The following PDS5B variants were observed in gnomAD, a reference collection of about 807,000 sequenced individuals.
PDS5B encodes sister chromatid cohesion protein PDS5 homolog B.
A neutral mutation model predicts 184.1 loss-of-function variants in PDS5B; 51 were observed. That is an observed-to-expected ratio of 0.28 (90% CI 0.22 to 0.35). The LOEUF (loss-of-function observed/expected upper bound fraction) is 0.35, where lower values mean the gene tolerates loss of function less well. Among genes scored for constraint, PDS5B ranks in the 10% least tolerant of loss-of-function variants. PDS5B has a pLI of 1.00. For synonymous variants in PDS5B, 566 were observed against 569.2 expected (o/e 0.99, Z 0.08); for missense variants, 1,180 against 1,723.3 (o/e 0.68, Z 5.58).
chr13:32,744,951 A>G (rs1242820227), intron 23 of PDS5B, among the ~76,000 whole-genome samples: 1 of 152,182 alleles, frequency 6.6e-6, no homozygotes, highest in Non-Finnish European at 1.5e-5. Context: ...CTATAGAGCT[A>G]CAAAGGGGTT....
At chr13:32,771,944 TAAA>T (rs373941782) in intron 33 of PDS5B, among the ~76,000 whole-genome samples, 3 of 142,614 alleles carry the variant, frequency 2.1e-5, no homozygotes, top group African/African-American at 7.7e-5. Context: ...AAGTATTTCT[TAAA>T]AAAAAAAAAA....
chr13:32,709,830 C>A, intron 18 of PDS5B, 116 bp from the exon 19 acceptor site: 1 of 524,462 alleles, frequency 1.9e-6, no homozygotes, highest in Non-Finnish European at 3.0e-6. Context: ...AGATTTTGGT[C>A]AACATAATTT....
At chr13:32,700,935 T>G (rs1189350578) in intron 16 of PDS5B, 2 of 158,332 alleles carry the variant, frequency 1.3e-5, no homozygotes, top group African/African-American at 4.8e-5. Flanking sequence ...AATCTATAGT[T>G]TTAACAAGCT....
chr13:32,719,136 T>C (rs1465472664), intron 19 of PDS5B, among the ~76,000 whole-genome samples: 1 of 152,212 alleles, frequency 6.6e-6, no homozygotes. Flanking sequence ...GGGACACTTA[T>C]ACCAAGTCAT....
intron 1 of PDS5B, among the ~76,000 whole-genome samples, chr13:32,620,706 C>T (rs1469797421): frequency 2.0e-5 from 3 of 149,584 alleles, no homozygotes; most frequent in Admixed American, 6.7e-5. Flanking sequence ...CTGATTGTTT[C>T]TAGCTTTAGA....
chr13:32,773,313 T>G lies in PDS5B; in HGVS notation c.4297T>G (p.Ser1433Ala), dbSNP rs1954852980. ...GGAAGAAACAGAGGAGGAGGAAGTTTCTACAGTAAATGTATGTGTTCAAAG... is the reference window on the plus strand; with the variant it reads ...GGAAGAAACAGAGGAGGAGGAAGTTGCTACAGTAAATGTATGTGTTCAAAG... ...PQEETEEEEV[S>A]TVNVRRRSAK... is the part of the protein sequence containing the mutation. Residue 1433 changes from serine to alanine, a missense_variant, in exon 34 of 35, where the codon TCT becomes GCT. Coordinates refer to ENST00000315596, the MANE Select transcript of PDS5B (RefSeq NM_015032.4). 1.2e-6 allele frequency: 2 copies of G among 1,611,782 alleles called. No individual in the cohort carries two copies. Among genetic ancestry groups the G allele is most frequent in the African/African-American group, 2.7e-5 (2 of 74,848 alleles).
intron 19 of PDS5B, among the ~76,000 whole-genome samples, chr13:32,720,609 ATT>A (rs1381215052): frequency 2.0e-5 from 3 of 150,458 alleles, no homozygotes; most frequent in Admixed American, 6.6e-5. Context: ...TTTATTTTTT[ATT>A]TTTATTTATT....
At chr13:32,637,735 A>G (rs1722176942) in intron 1 of PDS5B, among the ~76,000 whole-genome samples, 1 of 152,212 alleles carries the variant, frequency 6.6e-6, no homozygotes, top group African/African-American at 2.4e-5. Context: ...GTGTTACTAG[A>G]AGAAACAAAA....
rs1244052997 is a variant in PDS5B, at chr13:32,727,106, G to C, written c.2124-4995G>C. Reference sequence around the variant, plus strand: ...TGGTGGGGTTTAAAGCTACCATCTTGATAGTTTTCCTCTTCTATTCTTTAT... The same window carrying C: ...TGGTGGGGTTTAAAGCTACCATCTTCATAGTTTTCCTCTTCTATTCTTTAT... On this transcript the variant is annotated intron_variant, in intron 19 of 34. Coordinates refer to ENST00000315596, the MANE Select transcript of PDS5B (RefSeq NM_015032.4). Among the ~76,000 whole-genome samples the C allele has an allele frequency of 2.0e-5, 3 of 151,992 alleles. No homozygotes were observed. The East Asian group carries it at 5.8e-4, about 29-fold the overall frequency.
At chr13:32,747,478 C>T (rs539558348) in intron 24 of PDS5B, among the ~76,000 whole-genome samples, 8 of 151,412 alleles carry the variant, frequency 5.3e-5, no homozygotes, top group Admixed American at 2.6e-4. Flanking sequence ...TTCGGCCGGG[C>T]GTGGTGGCTC....
chr13:32,667,716 T>A (rs755864338), intron 6 of PDS5B, 48 bp from the exon 7 acceptor site: 2 of 1,142,784 alleles, frequency 1.8e-6, no homozygotes, highest in South Asian at 2.9e-5. Flanking sequence ...AATATTTTGC[T>A]TTTCATAGTT....
chr13:32,748,261 T>G (rs537114261), intron 24 of PDS5B, among the ~76,000 whole-genome samples: 237 of 152,332 alleles, frequency 1.6e-3, no homozygotes, highest in African/African-American at 5.0e-3. Flanking sequence ...TCTTACTCTC[T>G]TATCCTGTCT....
chr13:32,696,326 G>T (rs1951702080), intron 14 of PDS5B, among the ~76,000 whole-genome samples: 1 of 152,028 alleles, frequency 6.6e-6, no homozygotes, highest in Non-Finnish European at 1.5e-5. Context: ...TTTACATGCA[G>T]TAGTACATGA....
intron 25 of PDS5B, among the ~76,000 whole-genome samples, chr13:32,753,821 A>G (rs1438407763): frequency 6.6e-6 from 1 of 152,182 alleles, no homozygotes; most frequent in Non-Finnish European, 1.5e-5. Context: ...GTACATTTAT[A>G]TAGATTGAGC....
intron 1 of PDS5B, among the ~76,000 whole-genome samples, chr13:32,596,990 A>T (rs2057885090): frequency 6.6e-6 from 1 of 151,966 alleles, no homozygotes; most frequent in Non-Finnish European, 1.5e-5. Context: ...AATTTGATGA[A>T]GTCCAGTCAA....
chr13:32,597,974 C>T (rs2057906545), intron 1 of PDS5B, among the ~76,000 whole-genome samples: 3 of 151,466 alleles, frequency 2.0e-5, no homozygotes, highest in African/African-American at 7.3e-5. Flanking sequence ...TTAGTCTTTC[C>T]CCAGTAAGTA....
chr13:32,713,009 C>G (rs982638647), intron 19 of PDS5B, among the ~76,000 whole-genome samples: 3 of 152,190 alleles, frequency 2.0e-5, no homozygotes, highest in African/African-American at 7.2e-5. Flanking sequence ...TCTCAGGAGT[C>G]TGACTCCCCT....
At chr13:32,722,590 A>G (rs941927095) in intron 19 of PDS5B, among the ~76,000 whole-genome samples, 5 of 152,248 alleles carry the variant, frequency 3.3e-5, no homozygotes, top group Admixed American at 1.3e-4. Flanking sequence ...TTCTCACAAC[A>G]ATGAAATCAT....
At position 32,721,387 on chromosome 13, in the gene PDS5B, G is replaced by C. The variant is rs543271839; in HGVS notation, c.2124-10714G>C. Reference sequence around the variant, plus strand: ...CCAGACGGGGTGGCTGCCGGGCGGGGGTGCCCCTCACTTCCCAGACGGAGC... The same window carrying C: ...CCAGACGGGGTGGCTGCCGGGCGGGCGTGCCCCTCACTTCCCAGACGGAGC... On this transcript the variant is annotated intron_variant, in intron 19 of 34. Transcript: ENST00000315596. Among the ~76,000 whole-genome samples, 3 of 152,010 alleles carry C rather than the reference G, an allele frequency of 2.0e-5. No individual in the cohort carries two copies. The South Asian group carries it at 6.2e-4, about 32-fold the overall frequency.
Sources: gnomAD v4.1 joint callset for allele counts (sites outside exome capture counted in the v4.1 genomes callset) on GRCh38, gnomAD v4.1.1 for gene constraint, MANE v1.5 for transcripts, NCBI Gene and HGNC (gene_info 2026-07-23, HGNC 2026-07-21) for gene names.